EPHB1: variants seen among roughly 807,000 people sequenced by gnomAD.
The protein encoded by EPHB1 is EPH receptor B1, also known as ephrin type-B receptor 1.
In EPHB1, 30 loss-of-function variants were observed where a neutral mutation model predicts 94.4. The observed-to-expected ratio is 0.32, with a 90% CI of 0.24 to 0.43. The LOEUF (loss-of-function observed/expected upper bound fraction) is 0.43, where lower values mean the gene tolerates loss of function less well. Ranked by LOEUF, EPHB1 falls within the 20% of genes least tolerant of loss-of-function variation. The pLI, the probability that EPHB1 is intolerant of heterozygous loss-of-function variation, is 1.00. For synonymous variants in EPHB1, 522 were observed against 489.1 expected, an observed-to-expected ratio of 1.07 and a Z score of -0.89; for missense variants, 1,055 against 1,308.3, an observed-to-expected ratio of 0.81 and a Z score of 2.99.
intron 12 of EPHB1, among the ~76,000 whole-genome samples, chr3:135,205,686 G>T (rs564182696): frequency 6.6e-6 from 1 of 152,226 alleles, no homozygotes; most frequent in African/African-American, 2.4e-5. Context: ...CTACCACCTA[G>T]ATTCTGGAAT....
chr3:135,073,870 T>G (rs1194967522), intron 3 of EPHB1, among the ~76,000 whole-genome samples: 2 of 152,306 alleles, frequency 1.3e-5, no homozygotes. Context: ...AGTGGTGGTG[T>G]TTAGCGTGTT....
chr3:134,954,073 A>C, intron 3 of EPHB1, among the ~76,000 whole-genome samples: 1 of 152,230 alleles, frequency 6.6e-6, no homozygotes, highest in East Asian at 1.9e-4. Flanking sequence ...CTTCAGAGGC[A>C]TGGGAAGCCA....
chr3:135,002,518 G>A (rs1223956649), intron 3 of EPHB1, among the ~76,000 whole-genome samples: 1 of 151,842 alleles, frequency 6.6e-6, no homozygotes, highest in Non-Finnish European at 1.5e-5. Context: ...GATTGGAATA[G>A]TTTCAGAAGG....
chr3:134,919,336 C>A (rs150312300), intron 1 of EPHB1, among the ~76,000 whole-genome samples: 18 of 152,208 alleles, frequency 1.2e-4, no homozygotes, highest in African/African-American at 3.6e-4. Flanking sequence ...TTGCTTGGAA[C>A]ATGTTCTCTT....
At position 135,216,726 on chromosome 3, in the gene EPHB1, G is replaced by GAA. The variant is rs386397987; in HGVS notation, c.2346+15058_2346+15059dup. On this transcript the variant is annotated intron_variant, in intron 12 of 15. Transcript: ENST00000398015. The stretch of plus-strand genomic sequence containing the variant: ...CCACAGAGTGACACTCTGTCTCAGG[G>GAA]AAAAAAAAAAAAAAAAAAAAAATCA... 4.9e-3 allele frequency among the ~76,000 whole-genome samples: 515 copies of GAA among 104,796 alleles called. 6 individuals are homozygous for GAA. The highest frequency in any genetic ancestry group is 0.021 in the Middle Eastern group (3 of 146). The allele number at this position is 104,796 out of a possible 152,430, so 68.8% of individuals were successfully genotyped here.
intron 3 of EPHB1, among the ~76,000 whole-genome samples, chr3:135,081,856 G>A (rs1039533768): frequency 3.9e-5 from 6 of 152,228 alleles, no homozygotes; most frequent in South Asian, 4.1e-4. Flanking sequence ...GAGCAAGAGG[G>A]CACAGAATGC....
At chr3:134,919,745 C>G (rs112292208) in intron 1 of EPHB1, among the ~76,000 whole-genome samples, 1 of 152,110 alleles carries the variant, frequency 6.6e-6, no homozygotes, top group Admixed American at 6.5e-5. Flanking sequence ...GACCCAGCCA[C>G]GCACACCCTT....
intron 3 of EPHB1, among the ~76,000 whole-genome samples, chr3:134,957,802 C>A (rs1469017405): frequency 6.6e-6 from 1 of 152,184 alleles, no homozygotes; most frequent in Non-Finnish European, 1.5e-5. Context: ...CTCAGGCCTA[C>A]AAATTGGGGC....
intron 3 of EPHB1, among the ~76,000 whole-genome samples, chr3:135,041,237 G>T (rs371129317): frequency 5.5e-4 from 83 of 152,216 alleles, no homozygotes; most frequent in African/African-American, 1.6e-3. Flanking sequence ...AGAGAGAATA[G>T]CTCCCAGTGC....
chr3:135,018,418 G>A (rs17282438), intron 3 of EPHB1, among the ~76,000 whole-genome samples: 4,463 of 152,082 alleles, frequency 0.029, 104 homozygotes, highest in Non-Finnish European at 0.04. Context: ...ATTCTGTAAT[G>A]GCCTTTCTCC....
chr3:134,874,926 C>T (rs6439533), intron 1 of EPHB1, among the ~76,000 whole-genome samples: 151,904 of 152,340 alleles, frequency 1, 75,737 homozygotes, highest in Middle Eastern at 1. Flanking sequence ...CATTGCTATC[C>T]GCCTCTCTCA....
Position 135,248,306 on chromosome 3 carries a change from G to A in EPHB1, c.2497-10G>A, listed in dbSNP as rs750156435. 2.6e-5 allele frequency: 41 copies of A among 1,566,142 alleles called. No individual in the cohort carries two copies. In the Admixed American group the frequency reaches 5.0e-4, roughly 19 times the overall value. ...ACTCAATCACACCTGTTCCCTGTAT[G>A]TCACTGCAGGTCATCAATGCCATCG... On this transcript the variant is annotated splice_polypyrimidine_tract_variant and intron_variant, in intron 13 of 15. Transcript: ENST00000398015.
chr3:135,241,364 C>T, intron 13 of EPHB1, 67 bp downstream of exon 13: 2 of 1,588,170 alleles, frequency 1.3e-6, no homozygotes, highest in Non-Finnish European at 1.7e-6. Context: ...AGTAGCATAC[C>T]AATTCCTCCT....
rs1335482544 is a variant in EPHB1, at chr3:135,251,379, C to T, written c.2846+1888C>T. On this transcript the variant is annotated intron_variant, in intron 15 of 15. Transcript: ENST00000398015. ...ATGAAGACTGGCTACTCCCATTTTC[C>T]CACTGTGATTTGACTGCGTATGGGG... 7.2e-5 allele frequency among the ~76,000 whole-genome samples: 11 copies of T among 152,054 alleles called. No individual in the cohort carries two copies. In the East Asian group the frequency reaches 1.9e-3, roughly 27 times the overall value.
rs59196356 is a variant in EPHB1 at position 135,259,811 on chromosome 3, G to GA, written c.*700dup. 49,938 of 214,496 alleles carry GA rather than the reference G, an allele frequency of 0.23. 5,600 individuals carry two copies. Among genetic ancestry groups the GA allele is most frequent in the East Asian group, 0.32 (4,677 of 14,428 alleles). 13.3% of individuals were successfully genotyped at this position (214,496 alleles called of 1,614,324 possible). On this transcript the variant is annotated 3_prime_UTR_variant, in exon 16 of 16. Transcript: ENST00000398015. ...AAGGAAAAAGAAACCACAAATTGGGGAAAAAAAAAGAAGAAAAACCTGTTT... is the reference window on the plus strand; with the variant it reads ...AAGGAAAAAGAAACCACAAATTGGGGAAAAAAAAAAGAAGAAAAACCTGTTT...
intron 3 of EPHB1, among the ~76,000 whole-genome samples, chr3:134,959,268 A>T (rs1933407662): frequency 6.6e-6 from 1 of 152,016 alleles, no homozygotes; most frequent in Non-Finnish European, 1.5e-5. Context: ...TGGTATGGAG[A>T]TGCTGAGAGA....
intron 5 of EPHB1, among the ~76,000 whole-genome samples, chr3:135,133,415 GGATGGACA>G (rs1437088511): frequency 6.6e-6 from 1 of 152,206 alleles, no homozygotes; most frequent in Non-Finnish European, 1.5e-5. Flanking sequence ...TTGTGTAAAT[GGATGGACA>G]GATGGACAGA....
At chr3:135,247,988 A>G (rs1276472118) in intron 13 of EPHB1, among the ~76,000 whole-genome samples, 2 of 152,140 alleles carry the variant, frequency 1.3e-5, no homozygotes, top group Non-Finnish European at 2.9e-5. Flanking sequence ...ATTGGGCCCT[A>G]TGTCTTCTTA....
chr3:135,192,489 G>A (rs1942486598), intron 10 of EPHB1, 87 bp from the exon 11 acceptor site: 2 of 1,473,296 alleles, frequency 1.4e-6, no homozygotes, highest in Admixed American at 4.2e-5. Context: ...TCCACTTGGG[G>A]CACCATTGTT....
Sources: allele counts gnomAD v4.1 joint callset (sites outside exome capture counted in the v4.1 genomes callset), GRCh38; gene constraint gnomAD v4.1.1; transcripts MANE v1.5; gene names NCBI Gene and HGNC (gene_info 2026-07-23, HGNC 2026-07-21).